The following C1orf159 variants were observed in gnomAD, a reference collection of about 807,000 sequenced individuals.
C1orf159 encodes chromosome 1 open reading frame 159.
A neutral mutation model predicts 25.6 loss-of-function variants in C1orf159; 19 were observed. The ratio of observed to expected loss-of-function variants is 0.74; its 90% CI spans 0.52 to 1.09. The LOEUF (loss-of-function observed/expected upper bound fraction) is 1.09. Ranked by LOEUF, C1orf159 falls within the 50% of genes least tolerant of loss-of-function variation. The pLI, the probability that C1orf159 is intolerant of heterozygous loss-of-function variation, is 0.00. For missense variants in C1orf159, 274 were observed against 290.6 expected (o/e 0.94, Z 0.42); for synonymous variants, 139 against 124.7 (o/e 1.12, Z -0.77).
At chr1:1,114,143 C>A (rs12093451) in intron 1 of C1orf159, among the ~76,000 whole-genome samples, 19,359 of 151,846 alleles carry the variant, frequency 0.13, 3,067 homozygotes, top group African/African-American at 0.38. Context: ...TCTCAAACTC[C>A]TGGCCTTCTG....
chr1:1,083,256 C>T (rs956606362), intron 9 of C1orf159: 1 of 440,932 alleles, frequency 2.3e-6, no homozygotes, highest in Non-Finnish European at 4.0e-6. Flanking sequence ...CCAGGCGATC[C>T]CCGAAGACAG....
intron 1 of C1orf159, among the ~76,000 whole-genome samples, chr1:1,114,020 G>A (rs768532144): frequency 1.3e-5 from 2 of 150,408 alleles, no homozygotes; most frequent in Admixed American, 6.7e-5. Context: ...GAGTTCAAGC[G>A]ATTCTCCTGC....
chr1:1,094,463 T>C (rs908745847), intron 1 of C1orf159, among the ~76,000 whole-genome samples: 1 of 152,026 alleles, frequency 6.6e-6, no homozygotes, highest in Non-Finnish European at 1.5e-5. Flanking sequence ...TGCAGTGGCG[T>C]GATCTCAGTT....
Position 1,091,454 on chromosome 1 carries a change from C to T in C1orf159, c.72+18G>A, listed in dbSNP as rs913918854. ...GGCTCTGGCTTAGGCCGCGTGGACA[C>T]GTGAGGGGGGCACCTACCGTGTTCT... On this transcript the variant is annotated intron_variant, in intron 3 of 9. Coordinates refer to ENST00000421241, the MANE Select transcript of C1orf159 (RefSeq NM_017891.5). 9 of 1,549,284 alleles carry T rather than the reference C, an allele frequency of 5.8e-6. No homozygotes were observed. The highest frequency in any genetic ancestry group is 3.9e-5 in the Admixed American group (2 of 50,986).
chr1:1,107,045 C>T (rs1477762850), intron 1 of C1orf159, among the ~76,000 whole-genome samples: 1 of 152,224 alleles, frequency 6.6e-6, no homozygotes, highest in African/African-American at 2.4e-5. Context: ...CCCCCCGCAC[C>T]CCCGCCCGTG....
At chr1:1,099,343 TCTGA>T in intron 1 of C1orf159, among the ~76,000 whole-genome samples, 1 of 148,998 alleles carries the variant, frequency 6.7e-6, no homozygotes, top group East Asian at 2.0e-4. Flanking sequence ...GGTTACAATC[TCTGA>T]CTATGATTGT....
At chr1:1,096,849 C>T (rs968551343) in intron 1 of C1orf159, among the ~76,000 whole-genome samples, 10 of 151,956 alleles carry the variant, frequency 6.6e-5, no homozygotes, top group African/African-American at 2.4e-4. Context: ...CTCAGCCTCC[C>T]AAGTAGCTGG....
chr1:1,090,043 T>A (rs1215861745), intron 4 of C1orf159, among the ~76,000 whole-genome samples: 1 of 152,210 alleles, frequency 6.6e-6, no homozygotes, highest in East Asian at 1.9e-4. Flanking sequence ...GACAGCCCCG[T>A]GAGAATGGCT....
intron 1 of C1orf159, chr1:1,092,440 C>A (rs74048005): frequency 0.02 from 3,173 of 156,296 alleles, 118 homozygotes; most frequent in African/African-American, 0.072. Flanking sequence ...CTCTCTCCCC[C>A]CTGCACTTCC....
At chr1:1,111,927 A>G (rs1193938621) in intron 1 of C1orf159, among the ~76,000 whole-genome samples, 1 of 152,238 alleles carries the variant, frequency 6.6e-6, no homozygotes, top group Non-Finnish European at 1.5e-5. Flanking sequence ...TTTGATAGAA[A>G]ACAAATACCG....
chr1:1,106,418 T>C (rs1404684897), intron 1 of C1orf159, among the ~76,000 whole-genome samples: 1 of 152,160 alleles, frequency 6.6e-6, no homozygotes, highest in African/African-American at 2.4e-5. Context: ...CTGCTGAGAA[T>C]ATAAAATGGT....
intron 3 of C1orf159, chr1:1,090,936 G>A: frequency 6.4e-7 from 1 of 1,550,400 alleles, no homozygotes; most frequent in Non-Finnish European, 8.7e-7. Context: ...GGGGGCTCAG[G>A]GTACCCTCAG....
intron 1 of C1orf159, among the ~76,000 whole-genome samples, chr1:1,112,819 C>T (rs952107880): frequency 2.0e-5 from 3 of 152,282 alleles, no homozygotes; most frequent in Non-Finnish European, 2.9e-5. Context: ...TCTCTCACAT[C>T]GCCCGTCTGG....
At chr1:1,108,651 C>T (rs1230106092) in intron 1 of C1orf159, among the ~76,000 whole-genome samples, 1 of 121,946 alleles carries the variant, frequency 8.2e-6, no homozygotes, top group East Asian at 2.7e-4. Context: ...ACCACAGCCA[C>T]CATGTCTCGG....
chr1:1,091,217 G>A (rs1645927531), intron 3 of C1orf159: 1 of 616,848 alleles, frequency 1.6e-6, no homozygotes, highest in Non-Finnish European at 2.9e-6. Context: ...TCCCATTGCG[G>A]GCCAGGATGC....
chr1:1,085,519 G>C (rs1645814551), intron 7 of C1orf159, among the ~76,000 whole-genome samples: 1 of 134,616 alleles, frequency 7.4e-6, no homozygotes, highest in African/African-American at 2.7e-5. Context: ...GACCATGGCT[G>C]CTGGAGGAGC....
At position 1,110,760 on chromosome 1, in the gene C1orf159, T is replaced by C. The variant is rs918691218; in HGVS notation, c.-136+5300A>G. Among the ~76,000 whole-genome samples, 12 of 152,142 alleles carry C rather than the reference T, an allele frequency of 7.9e-5. 1 individual carries two copies. The highest frequency in any genetic ancestry group is 6.8e-3 in the Middle Eastern group (2 of 294). On this transcript the variant is annotated intron_variant, in intron 1 of 9. Coordinates refer to ENST00000421241, the MANE Select transcript of C1orf159 (RefSeq NM_017891.5). This position sits in a 1 kb window ranked among gnomAD's most constrained non-coding sequence, Gnocchi z 4.8. ...ACAGCGGAAACCCACCCGGGCGCCCTCAGAGACGACGAGCACGCAACAGCG... is the reference window on the plus strand; with the variant it reads ...ACAGCGGAAACCCACCCGGGCGCCCCCAGAGACGACGAGCACGCAACAGCG...
intron 1 of C1orf159, among the ~76,000 whole-genome samples, chr1:1,114,158 G>GC (rs1408838394): frequency 1.3e-5 from 2 of 151,652 alleles, no homozygotes; most frequent in Non-Finnish European, 2.9e-5. Flanking sequence ...CTTCTGATCC[G>GC]CCCCCCTCCC....
At chr1:1,094,751 T>C (rs1421834849) in intron 1 of C1orf159, among the ~76,000 whole-genome samples, 2 of 152,254 alleles carry the variant, frequency 1.3e-5, no homozygotes, top group African/African-American at 2.4e-5. Flanking sequence ...ATGTTTTTAA[T>C]TTTAATGAAA....
Sources: gnomAD v4.1 joint callset for allele counts (sites outside exome capture counted in the v4.1 genomes callset) on GRCh38, gnomAD v4.1.1 for gene constraint, Gnocchi (gnomAD v3.1) non-coding constraint, MANE v1.5 for transcripts, NCBI Gene and HGNC (gene_info 2026-07-23, HGNC 2026-07-21) for gene names.